ETV6: variants seen among roughly 807,000 people sequenced by gnomAD.
ETV6 encodes transcription factor ETV6.
In ETV6, 16 loss-of-function variants were observed where a neutral mutation model predicts 51.1. The observed-to-expected ratio is 0.31, with a 90% confidence interval of 0.21 to 0.48. The LOEUF is 0.48. Among genes scored for constraint, ETV6 ranks in the 20% least tolerant of loss-of-function variants. The probability of loss-of-function intolerance (pLI) is 0.99; values close to 1 mark genes in which losing one functional copy is unlikely to be tolerated. For missense variants in ETV6, 458 were observed against 594.8 expected, an observed-to-expected ratio of 0.77 and a Z score of 2.39; for synonymous variants, 240 against 224.1, an observed-to-expected ratio of 1.07 and a Z score of -0.64.
chr12:11,730,961 C>G (rs780702232), intron 1 of ETV6, among the ~76,000 whole-genome samples: 30 of 152,338 alleles, frequency 2.0e-4, no homozygotes, highest in African/African-American at 2.6e-4. Flanking sequence ...GTGTAACCCC[C>G]TCCTTGGTTT....
intron 1 of ETV6, among the ~76,000 whole-genome samples, chr12:11,650,887 C>T (rs1414291838): frequency 6.6e-6 from 1 of 152,206 alleles, no homozygotes; most frequent in Non-Finnish European, 1.5e-5. Flanking sequence ...GGCAAAATGA[C>T]CTTCTGTGTT....
intron 1 of ETV6, among the ~76,000 whole-genome samples, chr12:11,669,398 C>T: frequency 7.0e-6 from 1 of 143,314 alleles, no homozygotes; most frequent in African/African-American, 2.6e-5. Context: ...TCCCTCCTTT[C>T]CTCCTTTCCT....
chr12:11,841,916 C>T (rs575052696), intron 3 of ETV6, among the ~76,000 whole-genome samples: 1 of 151,622 alleles, frequency 6.6e-6, no homozygotes, highest in Non-Finnish European at 1.5e-5. Flanking sequence ...CCCCGTCTCT[C>T]CTAAAAATAC....
intron 2 of ETV6, among the ~76,000 whole-genome samples, chr12:11,827,661 C>T (rs753117113): frequency 1.3e-5 from 2 of 152,110 alleles, no homozygotes; most frequent in African/African-American, 2.4e-5. Context: ...AATAGAGACA[C>T]CCGAGAGGGC....
intron 1 of ETV6, among the ~76,000 whole-genome samples, chr12:11,679,910 C>T (rs887879626): frequency 3.3e-5 from 5 of 152,240 alleles, no homozygotes; most frequent in African/African-American, 1.2e-4. Context: ...CTCAAGTTTA[C>T]AAATCTCTTC....
chr12:11,784,639 C>T (rs1393246744), intron 2 of ETV6, among the ~76,000 whole-genome samples: 2 of 151,952 alleles, frequency 1.3e-5, no homozygotes, highest in South Asian at 2.1e-4. Context: ...TGAGGAAGAG[C>T]GGAGTTCGGA....
chr12:11,798,963 A>G (rs1463139003), intron 2 of ETV6, among the ~76,000 whole-genome samples: 1 of 152,206 alleles, frequency 6.6e-6, no homozygotes, highest in Non-Finnish European at 1.5e-5. Flanking sequence ...AAGACCCAGT[A>G]TCTGCCAAAA....
intron 3 of ETV6, among the ~76,000 whole-genome samples, chr12:11,847,086 G>A (rs964812261): frequency 3.9e-5 from 6 of 152,132 alleles, no homozygotes; most frequent in Non-Finnish European, 8.8e-5. Flanking sequence ...TGCAGTCTAC[G>A]AGCAATAGTT....
At chr12:11,840,625 C>G (rs903848170) in intron 3 of ETV6, 3 of 405,766 alleles carry the variant, frequency 7.4e-6, no homozygotes, top group Admixed American at 5.5e-5. Flanking sequence ...AGATAAAGCC[C>G]CAGCACCCGT....
intron 4 of ETV6, among the ~76,000 whole-genome samples, chr12:11,861,148 CT>C (rs1414103971): frequency 6.6e-6 from 1 of 152,110 alleles, no homozygotes; most frequent in Non-Finnish European, 1.5e-5. Flanking sequence ...CAAGATTAAC[CT>C]TTTTGCAGCC....
Position 11,894,206 on chromosome 12 carries a change from C to T in ETV6, c.*3160C>T, listed in dbSNP as rs1193645642. 88 of 232,184 alleles carry T rather than the reference C, an allele frequency of 3.8e-4. No homozygotes were observed. In the East Asian group the frequency reaches 5.3e-3, roughly 14 times the overall value. The allele number at this position is 232,184 out of a possible 1,614,324, so 14.4% of individuals were successfully genotyped here. ...CTAATCCACCCGGCGTGACTCATTT[C>T]AACACTAAGTACTAGGGGTGTTGTC... is the stretch of plus-strand genomic sequence containing the variant. On this transcript the variant is annotated 3_prime_UTR_variant, in exon 8 of 8. Coordinates refer to ENST00000396373, the MANE Select transcript of ETV6 (RefSeq NM_001987.5).
chr12:11,858,474 G>A (rs140231230), intron 4 of ETV6, among the ~76,000 whole-genome samples: 51 of 151,824 alleles, frequency 3.4e-4, no homozygotes, highest in African/African-American at 9.2e-4. Flanking sequence ...AAAACTCAAC[G>A]GAAACATAAA....
intron 1 of ETV6, among the ~76,000 whole-genome samples, chr12:11,701,580 G>T (rs1466508447): frequency 6.6e-6 from 1 of 152,190 alleles, no homozygotes; most frequent in Non-Finnish European, 1.5e-5. Flanking sequence ...AACTTCCAAA[G>T]GCACATCCTG....
At chr12:11,858,404 AT>A (rs869173678) in intron 4 of ETV6, among the ~76,000 whole-genome samples, 81 of 149,964 alleles carry the variant, frequency 5.4e-4, no homozygotes, top group African/African-American at 1.7e-3. Context: ...ATATATATAT[AT>A]TTTTTTTTAA....
chr12:11,774,053 G>A (rs1032165400), intron 2 of ETV6, among the ~76,000 whole-genome samples: 1 of 152,210 alleles, frequency 6.6e-6, no homozygotes, highest in Admixed American at 6.5e-5. Flanking sequence ...TCAGCCGGCT[G>A]AGGGTTTGAG....
chr12:11,653,046 T>TG (rs573214056), intron 1 of ETV6, among the ~76,000 whole-genome samples: 25 of 151,940 alleles, frequency 1.6e-4, no homozygotes, highest in African/African-American at 4.6e-4. Context: ...CGAGCACTCC[T>TG]GGGGGGGTCT....
At position 11,893,227 on chromosome 12, in the gene ETV6, GA is replaced by G. The variant is rs1313696940; in HGVS notation, c.*2184del. The G allele has an allele frequency of 8.6e-6, 2 of 232,700 alleles. No homozygotes were observed. The highest frequency in any genetic ancestry group is 1.7e-5 in the Non-Finnish European group (2 of 117,820). 14.4% of individuals were successfully genotyped at this position (232,700 alleles called of 1,614,324 possible). A position where few individuals can be genotyped will look rare whatever the true frequency, so the allele number is the denominator to read the frequency against. On this transcript the variant is annotated 3_prime_UTR_variant, in exon 8 of 8. Coordinates refer to ENST00000396373, the MANE Select transcript of ETV6 (RefSeq NM_001987.5). Reference sequence around the variant, plus strand: ...AAGCCACTGATTTTAAGAATGGAGAGAAAGGGATTTTTTACTGCATCCCTCT... The same window carrying G: ...AAGCCACTGATTTTAAGAATGGAGAGAAGGGATTTTTTACTGCATCCCTCT...
At chr12:11,830,569 G>C (rs1158228115) in intron 2 of ETV6, among the ~76,000 whole-genome samples, 1 of 152,246 alleles carries the variant, frequency 6.6e-6, no homozygotes, top group Non-Finnish European at 1.5e-5. Flanking sequence ...CAAAGCCAGA[G>C]CTGGAGTAAG....
chr12:11,843,862 G>C (rs1946424447), intron 3 of ETV6, among the ~76,000 whole-genome samples: 2 of 152,088 alleles, frequency 1.3e-5, no homozygotes. Flanking sequence ...CAAGGTTGGA[G>C]ACAAATGGAA....
Sources: gnomAD v4.1 joint callset for allele counts (sites outside exome capture counted in the v4.1 genomes callset) on GRCh38, gnomAD v4.1.1 for gene constraint, MANE v1.5 for transcripts, NCBI Gene and HGNC (gene_info 2026-07-23, HGNC 2026-07-21) for gene names.